The following COL6A5 variants were observed in gnomAD, a reference collection of about 807,000 sequenced individuals.
COL6A5 encodes the protein collagen alpha-5(VI) chain.
In COL6A5, 48 loss-of-function variants were observed where a neutral mutation model predicts 65.6. The ratio of observed to expected loss-of-function variants is 0.73; its 90% CI spans 0.58 to 0.93. The LOEUF is 0.93. COL6A5 is among the 40% of genes least tolerant of loss of function. COL6A5 has a pLI of 0.00. For missense variants in COL6A5, 914 were observed against 928.3 expected (o/e 0.98, Z 0.20); for synonymous variants, 291 against 322.8 (o/e 0.90, Z 1.05).
chr3:130,409,333 C>G, exon 18 of COL6A5: 1 of 1,542,650 alleles, frequency 6.5e-7, no homozygotes, highest in Non-Finnish European at 8.7e-7. Context: ...CAGGGCAGCC[C>G]AGGTTCCAGA....
chr3:130,455,562 G>A (rs753046474), exon 5 of COL6A5: 2 of 1,612,788 alleles, frequency 1.2e-6, no homozygotes, highest in African/African-American at 1.3e-5. Flanking sequence ...GACAATGGAA[G>A]TGACTATTTG....
At chr3:130,365,326 G>A (rs2107625977) in intron 1 of COL6A5, among the ~76,000 whole-genome samples, 1 of 152,310 alleles carries the variant, frequency 6.6e-6, no homozygotes, top group East Asian at 1.9e-4. Flanking sequence ...CGCCCAGGCT[G>A]GAGAGCAGTG....
chr3:130,416,888 G>A (rs892191043), intron 24 of COL6A5, 69 bp downstream of exon 24: 1 of 861,314 alleles, frequency 1.2e-6, no homozygotes, highest in African/African-American at 1.7e-5. Flanking sequence ...ATTAATAATT[G>A]CATATTTTTA....
chr3:130,381,486 C>T (rs961461048), intron 4 of COL6A5, among the ~76,000 whole-genome samples: 9 of 152,010 alleles, frequency 5.9e-5, no homozygotes, highest in Non-Finnish European at 1.0e-4. Flanking sequence ...TGCACAATCA[C>T]GGTTATTTTC....
At position 130,353,221 on chromosome 3, in the gene COL6A5, G is replaced by A. The variant is rs80235967; in HGVS notation, c.-29+7240G>A. Among the ~76,000 whole-genome samples, 1,511 of 152,280 alleles carry A rather than the reference G, an allele frequency of 9.9e-3. 15 individuals carry two copies. The highest frequency in any genetic ancestry group is 0.08 in the South Asian group (388 of 4,820). Reference sequence around the variant, plus strand: ...CTACAAAATAGCCAAGGACATGAATGTGAAATATGTAGGAGCACTCCCTGT... The same window carrying A: ...CTACAAAATAGCCAAGGACATGAATATGAAATATGTAGGAGCACTCCCTGT... On this transcript the variant is annotated intron_variant and NMD_transcript_variant, in intron 1 of 41. Coordinates refer to the COL6A5 transcript ENST00000312481.
In COL6A5 at chr3:130,465,236, G is replaced by A. The variant is rs148237919; in HGVS notation, c.1545-3559G>A. Among the ~76,000 whole-genome samples, 74 of 152,130 alleles carry A rather than the reference G, an allele frequency of 4.9e-4. No individual in the cohort carries two copies. In the East Asian group the frequency reaches 0.014, roughly 28 times the overall value. On this transcript the variant is annotated intron_variant, in intron 5 of 7. Coordinates refer to ENST00000512836, the Ensembl canonical transcript of COL6A5. Reference sequence around the variant, plus strand: ...GAGCTGAGAGAACAGGGAGACCAAGGCAGTGAGAGCTGACAGGGTGGGATA... The same window carrying A: ...GAGCTGAGAGAACAGGGAGACCAAGACAGTGAGAGCTGACAGGGTGGGATA...
chr3:130,418,902 G>T (rs1241716582), exon 25 of COL6A5: 4 of 1,550,864 alleles, frequency 2.6e-6, no homozygotes, highest in Non-Finnish European at 3.5e-6. Flanking sequence ...TCTAGGGCCA[G>T]TGGGGCAAAC....
chr3:130,456,665 A>G (rs1425556715), intron 5 of COL6A5, among the ~76,000 whole-genome samples: 1 of 152,090 alleles, frequency 6.6e-6, no homozygotes, highest in Non-Finnish European at 1.5e-5. Flanking sequence ...CAGCCATTCC[A>G]TCTATGCATC....
At chr3:130,436,672 C>G (rs1186918605) in intron 1 of COL6A5, among the ~76,000 whole-genome samples, 1 of 151,772 alleles carries the variant, frequency 6.6e-6, no homozygotes, top group Non-Finnish European at 1.5e-5. Context: ...TCTTGCCTTT[C>G]TCTGGGAAAC....
intron 1 of COL6A5, among the ~76,000 whole-genome samples, chr3:130,357,485 G>A (rs973240350): frequency 1.3e-4 from 20 of 152,088 alleles, no homozygotes; most frequent in Admixed American, 5.9e-4. Context: ...ATTGATACCT[G>A]GCAAAGATAG....
At chr3:130,466,684 C>A (rs1469207940) in intron 5 of COL6A5, among the ~76,000 whole-genome samples, 2 of 151,900 alleles carry the variant, frequency 1.3e-5, no homozygotes, top group East Asian at 3.9e-4. Context: ...AAAGTTGTTT[C>A]TTTGAGAAGA....
chr3:130,417,717 T>A (rs1937388658), intron 24 of COL6A5, among the ~76,000 whole-genome samples: 1 of 152,150 alleles, frequency 6.6e-6, no homozygotes, highest in Non-Finnish European at 1.5e-5. Context: ...AACCTTTCAA[T>A]GGCCCCCTCT....
chr3:130,412,370 T>C (rs547305625), intron 20 of COL6A5, among the ~76,000 whole-genome samples: 4 of 152,300 alleles, frequency 2.6e-5, no homozygotes, highest in Admixed American at 6.5e-5. Context: ...GAACTCAGTC[T>C]GTCTCCCTCC....
Position 130,416,204 on chromosome 3 carries a change from GA to G in COL6A5, c.4824+502del, listed in dbSNP as rs1206985576. ...AGTTTGAATGGTGAAGGATGTGTAG[GA>G]AAAATGTTCTAAATCTATTCAGTTC... On this transcript the variant is annotated intron_variant and NMD_transcript_variant, in intron 23 of 41. Transcript: ENST00000312481. 9.2e-5 allele frequency among the ~76,000 whole-genome samples: 14 copies of G among 152,166 alleles called. No individual in the cohort carries two copies. The East Asian group carries it at 2.5e-3, about 27-fold the overall frequency.
rs1577412892 is a variant in COL6A5, at chr3:130,347,823, CTTGTAGGA to C, written c.-29+1844_-29+1851del. Among the ~76,000 whole-genome samples the C allele has an allele frequency of 3.3e-5, 5 of 152,282 alleles. No homozygotes were observed. In the East Asian group the frequency reaches 9.6e-4, roughly 29 times the overall value. ...TTGCTTTGATGATGCCCCTGTCAAT[CTTGTAGGA>C]TCTCAGATCCAGTACACACTGAGCA... On this transcript the variant is annotated intron_variant and NMD_transcript_variant, in intron 1 of 41. Transcript: ENST00000312481.
chr3:130,404,414 C>A (rs1232733081), intron 13 of COL6A5, among the ~76,000 whole-genome samples: 1 of 152,138 alleles, frequency 6.6e-6, no homozygotes, highest in East Asian at 1.9e-4. Context: ...AGTCAGGCTG[C>A]CAAGAGTTGG....
At chr3:130,449,487 G>C (rs1577521622) in intron 4 of COL6A5, among the ~76,000 whole-genome samples, 1 of 152,106 alleles carries the variant, frequency 6.6e-6, no homozygotes, top group Non-Finnish European at 1.5e-5. Context: ...CCAGTGCAAG[G>C]CAAGATAAAT....
intron 1 of COL6A5, 75 bp downstream of exon 33, chr3:130,432,024 T>A: frequency 7.0e-7 from 1 of 1,437,788 alleles, no homozygotes; most frequent in Non-Finnish European, 9.3e-7. Context: ...ATGGGAGTGG[T>A]AGAGAGTCAA....
At chr3:130,379,242 G>A (rs549098148) in intron 3 of COL6A5, among the ~76,000 whole-genome samples, 176 bp from the exon 4 acceptor site, 8 of 152,198 alleles carry the variant, frequency 5.3e-5, no homozygotes, top group African/African-American at 1.2e-4. Context: ...TGAAGTCAAC[G>A]ACCTTGTAAG....
Sources: gnomAD v4.1 joint callset for allele counts (sites outside exome capture counted in the v4.1 genomes callset) on GRCh38, gnomAD v4.1.1 for gene constraint, MANE v1.5 for transcripts, NCBI Gene and HGNC (gene_info 2026-07-23, HGNC 2026-07-21) for gene names.